PTPRZ1: variants seen among roughly 807,000 people sequenced by gnomAD.
The protein encoded by PTPRZ1 is protein tyrosine phosphatase receptor type Z1, also known as receptor-type tyrosine-protein phosphatase zeta.
PTPRZ1 carries 82 observed loss-of-function variants against 214.1 expected under a neutral mutation model. The observed-to-expected ratio is 0.38, with a 90% CI of 0.32 to 0.46. PTPRZ1 has a LOEUF of 0.46. Among genes scored for constraint, PTPRZ1 ranks in the 20% least tolerant of loss-of-function variants. The pLI, the probability that PTPRZ1 is intolerant of heterozygous loss-of-function variation, is 1.00. For synonymous variants in PTPRZ1, 945 were observed against 987.9 expected (o/e 0.96, Z 0.81); for missense variants, 2,603 against 2,748.7 (o/e 0.95, Z 1.19).
intron 17 of PTPRZ1, among the ~76,000 whole-genome samples, chr7:122,035,774 C>G (rs1004825932): frequency 6.6e-6 from 1 of 152,220 alleles, no homozygotes; most frequent in Non-Finnish European, 1.5e-5. Context: ...TCTGTATTCA[C>G]TTCTTCATCC....
intron 10 of PTPRZ1, among the ~76,000 whole-genome samples, chr7:121,999,484 G>A (rs1344275368): frequency 6.6e-6 from 1 of 152,072 alleles, no homozygotes; most frequent in Non-Finnish European, 1.5e-5. Context: ...TATGTGAATT[G>A]ATTGAAATAT....
At chr7:122,044,266 G>A (rs1799814881) in intron 22 of PTPRZ1, among the ~76,000 whole-genome samples, 156 bp from the exon 23 acceptor site, 1 of 152,194 alleles carries the variant, frequency 6.6e-6, no homozygotes, top group South Asian at 2.1e-4. Context: ...CCTTTCCTCT[G>A]TCTGACTTCC....
At chr7:121,925,106 T>C (rs1184506084) in intron 1 of PTPRZ1, among the ~76,000 whole-genome samples, 7 of 152,344 alleles carry the variant, frequency 4.6e-5, no homozygotes, top group Non-Finnish European at 7.4e-5. Context: ...CCCCGCATTA[T>C]GGTTTCCATT....
intron 6 of PTPRZ1, among the ~76,000 whole-genome samples, chr7:121,978,617 C>T (rs1337140565): frequency 6.6e-6 from 1 of 152,174 alleles, no homozygotes; most frequent in Non-Finnish European, 1.5e-5. Flanking sequence ...TCACTTCCCA[C>T]TTGGTCCCTC....
chr7:121,887,371 T>C (rs1201541256), intron 1 of PTPRZ1, among the ~76,000 whole-genome samples: 2 of 152,268 alleles, frequency 1.3e-5, no homozygotes, highest in East Asian at 3.9e-4. Context: ...TGTACCCCCA[T>C]TTGGCAGAGT....
At chr7:121,974,256 C>G (rs1797360708) in intron 4 of PTPRZ1, among the ~76,000 whole-genome samples, 1 of 151,972 alleles carries the variant, frequency 6.6e-6, no homozygotes, top group African/African-American at 2.4e-5. Flanking sequence ...ATCAAATTTG[C>G]TTTGTCAAAG....
chr7:121,890,777 C>G (rs1794571708), intron 1 of PTPRZ1, among the ~76,000 whole-genome samples: 1 of 152,062 alleles, frequency 6.6e-6, no homozygotes, highest in African/African-American at 2.4e-5. Context: ...TGAAGCAATC[C>G]TCCTACCTCG....
chr7:122,028,610 T>C lies in PTPRZ1; in HGVS notation c.5047T>C (p.Ser1683Pro). The change falls in exon 14 of 30, where the codon TCC (serine) becomes CCC (proline). Residue 1683 changes from serine to proline, a missense_variant. This residue lies in a region of PTPRZ1 where 1,913 missense variants were observed against 1,914.3 expected (regional missense o/e 1.00). Transcript: ENST00000393386. ...LEDSTSPRVI[S>P]TPPTPIFPIS... is the part of the protein sequence containing the mutation. ...GGACAGTACATCCCCTAGAGTTATA[T>C]CCACACCTCCAACACCTATCTTTCC... The C allele has an allele frequency of 6.5e-7, 1 of 1,544,028 alleles. No individual in the cohort carries two copies. Among genetic ancestry groups the C allele is most frequent in the Non-Finnish European group, 9.0e-7 (1 of 1,116,586 alleles).
intron 10 of PTPRZ1, among the ~76,000 whole-genome samples, chr7:121,999,265 C>T (rs1299760676): frequency 6.6e-6 from 1 of 152,136 alleles, no homozygotes; most frequent in Admixed American, 6.6e-5. Flanking sequence ...CTTTATTTAG[C>T]ATTGTTTTTC....
chr7:121,905,662 C>T (rs193091522), intron 1 of PTPRZ1, among the ~76,000 whole-genome samples: 84 of 152,080 alleles, frequency 5.5e-4, no homozygotes, highest in Non-Finnish European at 6.8e-4. Flanking sequence ...CACACACACA[C>T]ACACACACAC....
At chr7:122,016,690 TTACA>T (rs1298917880) in intron 12 of PTPRZ1, among the ~76,000 whole-genome samples, 2 of 151,730 alleles carry the variant, frequency 1.3e-5, no homozygotes, top group African/African-American at 4.8e-5. Flanking sequence ...ATTATATATC[TTACA>T]TATATGACAT....
At chr7:122,021,438 A>T (rs998377690) in intron 13 of PTPRZ1, among the ~76,000 whole-genome samples, 1 of 152,180 alleles carries the variant, frequency 6.6e-6, no homozygotes, top group Non-Finnish European at 1.5e-5. Flanking sequence ...TGTAAAATAT[A>T]TATGAGTATT....
At chr7:121,957,646 C>T (rs1045271889) in intron 2 of PTPRZ1, among the ~76,000 whole-genome samples, 2 of 152,134 alleles carry the variant, frequency 1.3e-5, no homozygotes, top group African/African-American at 4.8e-5. Context: ...TCTGCCTGCC[C>T]ATTTACATAT....
chr7:121,994,244 A>AAGAGAT (rs1798061741), intron 8 of PTPRZ1, among the ~76,000 whole-genome samples: 1 of 150,926 alleles, frequency 6.6e-6, no homozygotes, highest in Non-Finnish European at 1.5e-5. Flanking sequence ...TTTTTTTCTT[A>AAGAGAT]AGAGATTGTT....
chr7:121,929,163 T>TC (rs1554431762), intron 2 of PTPRZ1, among the ~76,000 whole-genome samples: 1 of 151,978 alleles, frequency 6.6e-6, no homozygotes, highest in African/African-American at 2.4e-5. Context: ...AAGAAAAACA[T>TC]AAAATCATTA....
intron 23 of PTPRZ1, among the ~76,000 whole-genome samples, chr7:122,049,872 T>C (rs1302940771): frequency 6.6e-6 from 1 of 152,100 alleles, no homozygotes; most frequent in Non-Finnish European, 1.5e-5. Flanking sequence ...TTGTACTGTA[T>C]ATGGAAGACT....
rs1373772952 is a variant in PTPRZ1 at position 121,890,677 on chromosome 7, T to G, written c.58+17120T>G. On this transcript the variant is annotated intron_variant, in intron 1 of 29. Transcript: ENST00000393386. ...TTTTTATTTTTTTAAAAAATTACTT[T>G]ATTATTATTTAGAGACAGGTCTCCC... Among the ~76,000 whole-genome samples the G allele has an allele frequency of 2.0e-5, 3 of 151,984 alleles. 1 individual carries two copies. Among genetic ancestry groups the G allele is most frequent in the African/African-American group, 7.3e-5 (3 of 41,370 alleles).
At chr7:122,009,763 CTAAGTCT>C (rs1798592907) in intron 11 of PTPRZ1, among the ~76,000 whole-genome samples, 1 of 151,972 alleles carries the variant, frequency 6.6e-6, no homozygotes. Context: ...AAATATCTGC[CTAAGTCT>C]TAAGTGGAAA....
intron 2 of PTPRZ1, among the ~76,000 whole-genome samples, chr7:121,932,887 A>G (rs1377762160): frequency 3.3e-5 from 5 of 152,156 alleles, no homozygotes; most frequent in African/African-American, 1.2e-4. Flanking sequence ...TCTATTCAGG[A>G]TGTATGCTAC....
Sources: gnomAD v4.1 joint callset for allele counts (sites outside exome capture counted in the v4.1 genomes callset) on GRCh38, gnomAD v4.1.1 for gene constraint, gnomAD v4.1.1 regional missense constraint, MANE v1.5 for transcripts, NCBI Gene and HGNC (gene_info 2026-07-23, HGNC 2026-07-21) for gene names.